Variants in BAZ2B observed in about 807,000 individuals in gnomAD.
The protein encoded by BAZ2B is bromodomain adjacent to zinc finger domain protein 2B.
A neutral mutation model predicts 246.0 loss-of-function variants in BAZ2B; 91 were observed. That is an observed-to-expected ratio of 0.37 (90% CI 0.31 to 0.44). The LOEUF is 0.44. BAZ2B is among the 20% of genes least tolerant of loss of function. The pLI, the probability that BAZ2B is intolerant of heterozygous loss-of-function variation, is 1.00. For missense variants in BAZ2B, 2,332 were observed against 2,533.7 expected, an observed-to-expected ratio of 0.92 and a Z score of 1.71; for synonymous variants, 855 against 860.0, an observed-to-expected ratio of 0.99 and a Z score of 0.10.
rs58142278 is a variant in BAZ2B, at chr2:159,598,952, A to G, written c.-46+17290T>C. Among the ~76,000 whole-genome samples, 1,717 of 152,252 alleles carry G rather than the reference A, an allele frequency of 0.011. 154 individuals are homozygous for G. In the East Asian group the frequency reaches 0.22, roughly 20 times the overall value. ...ACATACATACATACATACATAAAAT[A>G]TAGCTGTTAACTGGGTGTGGTGGCT... On this transcript the variant is annotated intron_variant, in intron 1 of 36. Transcript: ENST00000392783.
intron 2 of BAZ2B, among the ~76,000 whole-genome samples, chr2:159,528,565 C>G (rs1162194337): frequency 6.6e-6 from 1 of 151,798 alleles, no homozygotes; most frequent in Non-Finnish European, 1.5e-5. Flanking sequence ...TGCCTGTAAT[C>G]CCAGCTACTT....
In BAZ2B at chr2:159,325,117, T is replaced by TTATATATATATATA. The variant is rs1344829292; in HGVS notation, c.6210-177_6210-164dup. Among the ~76,000 whole-genome samples, 17 of 3,384 alleles carry TTATATATATATATA rather than the reference T, an allele frequency of 5.0e-3. 3 individuals carry two copies. The highest frequency in any genetic ancestry group is 0.011 in the African/African-American group (17 of 1,520). The allele number at this position is 3,384 out of a possible 152,430, so 2.2% of individuals were successfully genotyped here. On this transcript the variant is annotated intron_variant, in intron 35 of 36. Coordinates refer to ENST00000392783, the MANE Select transcript of BAZ2B (RefSeq NM_013450.4). ...TTATATATATATATATATATATATT[T>TTATATATATATATA]TATATATATATATATATATATATAT... is the stretch of plus-strand genomic sequence containing the variant.
chr2:159,639,185 C>A, the BAZ2B span, among the ~76,000 whole-genome samples: 1 of 151,944 alleles, frequency 6.6e-6, no homozygotes, highest in Non-Finnish European at 1.5e-5. Context: ...CTATATCCAG[C>A]AAAAATATTC....
At chr2:159,423,261 A>G (rs1188574200) in intron 13 of BAZ2B, among the ~76,000 whole-genome samples, 3 of 152,118 alleles carry the variant, frequency 2.0e-5, no homozygotes, top group Non-Finnish European at 4.4e-5. Flanking sequence ...GCTTGCAGTG[A>G]GCCGAGATGG....
In BAZ2B at chr2:159,498,751, T is replaced by C. The variant is rs144717785; in HGVS notation, c.-2-20030A>G. On this transcript the variant is annotated intron_variant, in intron 2 of 36. Transcript: ENST00000392783. Reference sequence around the variant, plus strand: ...GTATACCATTTGGTCAAATTATGTATTAACTTATTGTTTCAATTATGCTTC... The same window carrying C: ...GTATACCATTTGGTCAAATTATGTACTAACTTATTGTTTCAATTATGCTTC... Among the ~76,000 whole-genome samples the C allele has an allele frequency of 4.1e-3, 624 of 152,312 alleles. 5 individuals carry two copies. The highest frequency in any genetic ancestry group is 0.014 in the African/African-American group (594 of 41,574).
Position 159,364,418 on chromosome 2 carries a change from G to C in BAZ2B, c.4213+8627C>G, listed in dbSNP as rs557001641. Among the ~76,000 whole-genome samples the C allele has an allele frequency of 2.6e-5, 4 of 152,240 alleles. No individual in the cohort carries two copies. The East Asian group carries it at 7.7e-4, about 29-fold the overall frequency. On this transcript the variant is annotated intron_variant, in intron 27 of 36. Coordinates refer to ENST00000392783, the MANE Select transcript of BAZ2B (RefSeq NM_013450.4). Reference sequence around the variant, plus strand: ...TGGACTTTTTTTCTTTTCGAGACAGGGTCTTGCTCTGTCCCCAAGGCTGAA... The same window carrying C: ...TGGACTTTTTTTCTTTTCGAGACAGCGTCTTGCTCTGTCCCCAAGGCTGAA...
intron 2 of BAZ2B, among the ~76,000 whole-genome samples, chr2:159,487,957 G>A (rs1368816502): frequency 6.6e-6 from 1 of 151,904 alleles, no homozygotes; most frequent in Non-Finnish European, 1.5e-5. Context: ...TAGAGATCTA[G>A]ACATCCAAAT....
At chr2:159,594,141 C>T (rs1314333111) in intron 1 of BAZ2B, among the ~76,000 whole-genome samples, 2 of 152,190 alleles carry the variant, frequency 1.3e-5, no homozygotes, top group Non-Finnish European at 2.9e-5. Flanking sequence ...CGGTGGCTCA[C>T]TCCTGTAATC....
At chr2:159,697,162 GC>G in the BAZ2B span, among the ~76,000 whole-genome samples, 1 of 152,092 alleles carries the variant, frequency 6.6e-6, no homozygotes, top group Non-Finnish European at 1.5e-5. Flanking sequence ...TAATGCATTT[GC>G]CACTACTTTA....
chr2:159,555,221 A>G (rs1214398677), intron 2 of BAZ2B, among the ~76,000 whole-genome samples: 2 of 151,472 alleles, frequency 1.3e-5, no homozygotes, highest in East Asian at 3.9e-4. Context: ...CCTCCCGAGT[A>G]GCTGGGATTA....
intron 3 of BAZ2B, among the ~76,000 whole-genome samples, chr2:159,457,624 T>C (rs1340944740): frequency 6.6e-6 from 1 of 152,334 alleles, no homozygotes; most frequent in Non-Finnish European, 1.5e-5. Flanking sequence ...TTAGGTCACA[T>C]GTTGGATTTG....
intron 16 of BAZ2B, among the ~76,000 whole-genome samples, chr2:159,402,721 G>A (rs917606020): frequency 6.6e-6 from 1 of 152,070 alleles, no homozygotes; most frequent in Admixed American, 6.6e-5. Flanking sequence ...TGGGGCTTAC[G>A]TACACAGTCT....
rs377167235 is a variant in BAZ2B, at chr2:159,433,210, A to G, written c.1447T>C (p.Phe483Leu). ...QTLENNHPNP[F>L]LTNALLGNHQ... ...TTACCTAAAAGTGCATTTGTCAAGA[A>G]TGGATTTGGGTGGTTGTTTTCTAAT... The change falls in exon 9 of 37, where the codon TTC becomes CTC. Residue 483 changes from phenylalanine to leucine, a missense_variant. Phe to Leu is a conservative substitution (Grantham distance 22). Coordinates refer to ENST00000392783, the MANE Select transcript of BAZ2B (RefSeq NM_013450.4). 12 of 1,614,088 alleles carry G rather than the reference A, an allele frequency of 7.4e-6. No homozygotes were observed. Among genetic ancestry groups the G allele is most frequent in the Admixed American group, 1.7e-5 (1 of 60,006 alleles).
chr2:159,359,027 C>T (rs1354986803), intron 27 of BAZ2B, among the ~76,000 whole-genome samples: 1 of 152,138 alleles, frequency 6.6e-6, no homozygotes, highest in Non-Finnish European at 1.5e-5. Flanking sequence ...AATCGACACC[C>T]TAACATCACA....
upstream of BAZ2B, among the ~76,000 whole-genome samples, chr2:159,617,934 A>G (rs918727889): frequency 6.6e-6 from 1 of 152,252 alleles, no homozygotes; most frequent in African/African-American, 2.4e-5. Flanking sequence ...GATATCTGAA[A>G]AGAAGGCTGC....
chr2:159,522,287 T>C (rs535749514), intron 2 of BAZ2B, among the ~76,000 whole-genome samples: 113 of 152,276 alleles, frequency 7.4e-4, no homozygotes, highest in African/African-American at 2.5e-3. Flanking sequence ...CTTTTGAGTA[T>C]AGGATATTTA....
At chr2:159,345,332 A>AT (rs1186083248) in intron 31 of BAZ2B, among the ~76,000 whole-genome samples, 1 of 78,124 alleles carries the variant, frequency 1.3e-5, no homozygotes, top group African/African-American at 4.0e-5. Context: ...AAAGGAGGAT[A>AT]TTATTCTTAA....
At chr2:159,401,214 T>C (rs899797557) in intron 16 of BAZ2B, among the ~76,000 whole-genome samples, 7 of 152,216 alleles carry the variant, frequency 4.6e-5, no homozygotes, top group Admixed American at 6.5e-5. Flanking sequence ...TGAACCAAGC[T>C]GATTAAACTA....
At chr2:159,642,748 G>A in the BAZ2B span, among the ~76,000 whole-genome samples, 2 of 152,190 alleles carry the variant, frequency 1.3e-5, no homozygotes, top group African/African-American at 4.8e-5. Context: ...CCTATCAAGA[G>A]TAGGATGAAC....
Sources: gnomAD v4.1 joint callset for allele counts (sites outside exome capture counted in the v4.1 genomes callset) on GRCh38, gnomAD v4.1.1 for gene constraint, MANE v1.5 for transcripts, NCBI Gene and HGNC (gene_info 2026-07-23, HGNC 2026-07-21) for gene names.